Variants in PDE8B observed in about 807,000 individuals in gnomAD.
PDE8B encodes the protein high affinity cAMP-specific and IBMX-insensitive 3',5'-cyclic phosphodiesterase 8B.
A neutral mutation model predicts 101.3 loss-of-function variants in PDE8B; 26 were observed. The ratio of observed to expected loss-of-function variants is 0.26; its 90% CI spans 0.19 to 0.36. The LOEUF is 0.36. Among genes scored for constraint, PDE8B ranks in the 10% least tolerant of loss-of-function variants. The pLI is 1.00. For synonymous variants in PDE8B, 424 were observed against 429.3 expected (o/e 0.99, Z 0.15); for missense variants, 810 against 1,163.1 (o/e 0.70, Z 4.42).
intron 1 of PDE8B, among the ~76,000 whole-genome samples, chr5:77,260,881 A>G (rs1036736184): frequency 3.9e-5 from 6 of 152,178 alleles, no homozygotes; most frequent in African/African-American, 1.4e-4. Flanking sequence ...ACACCTGGCC[A>G]CTGTGGCTCA....
the PDE8B span, among the ~76,000 whole-genome samples, chr5:77,184,129 G>A: frequency 3.0e-4 from 45 of 152,224 alleles, 1 homozygote; most frequent in Admixed American, 2.9e-3. Context: ...ACCATGCCCA[G>A]CTAATTTTTT....
the PDE8B span, among the ~76,000 whole-genome samples, chr5:77,155,991 C>T: frequency 6.6e-6 from 1 of 152,162 alleles, no homozygotes; most frequent in African/African-American, 2.4e-5. Flanking sequence ...GAAAATGTTA[C>T]ATAGATAATA....
At chr5:77,308,653 T>G (rs969876555) in intron 1 of PDE8B, among the ~76,000 whole-genome samples, 1 of 152,108 alleles carries the variant, frequency 6.6e-6, no homozygotes, top group African/African-American at 2.4e-5. Context: ...TCTTCTAGCT[T>G]GAAAGTTGCT....
the PDE8B span, among the ~76,000 whole-genome samples, chr5:77,108,205 A>C: frequency 6.6e-6 from 1 of 152,232 alleles, no homozygotes; most frequent in Non-Finnish European, 1.5e-5. Flanking sequence ...AAACAGTGAA[A>C]CTGTGAGGTA....
At chr5:77,370,482 A>G (rs377519966) in intron 10 of PDE8B, among the ~76,000 whole-genome samples, 81 of 152,294 alleles carry the variant, frequency 5.3e-4, no homozygotes, top group East Asian at 5.0e-3. Context: ...GGTTTTGAGT[A>G]TATGATTTGG....
At chr5:77,183,978 T>A in the PDE8B span, among the ~76,000 whole-genome samples, 1 of 151,584 alleles carries the variant, frequency 6.6e-6, no homozygotes, top group African/African-American at 2.4e-5. Context: ...ACTTTTTTTT[T>A]TTAAAAAAAA....
chr5:77,134,789 A>C, the PDE8B span, among the ~76,000 whole-genome samples: 1 of 152,148 alleles, frequency 6.6e-6, no homozygotes, highest in African/African-American at 2.4e-5. Flanking sequence ...GAAGATGACT[A>C]TGGGTTGCGA....
intron 1 of PDE8B, among the ~76,000 whole-genome samples, chr5:77,298,179 A>G (rs1432964447): frequency 6.6e-6 from 1 of 152,194 alleles, no homozygotes; most frequent in Non-Finnish European, 1.5e-5. Flanking sequence ...GCCTCCCATC[A>G]TAAGGAAACA....
the PDE8B span, among the ~76,000 whole-genome samples, chr5:77,203,132 A>G: frequency 1.3e-5 from 2 of 152,200 alleles, no homozygotes; most frequent in African/African-American, 2.4e-5. Context: ...CTCTTCTTCC[A>G]TACCACAAAC....
chr5:77,333,167 C>T (rs4704406), intron 5 of PDE8B, among the ~76,000 whole-genome samples: 12 of 152,224 alleles, frequency 7.9e-5, no homozygotes, highest in East Asian at 5.8e-4. Context: ...ATATTTTTCA[C>T]GCTCCTAACA....
chr5:77,311,903 G>A (rs1353619971), intron 1 of PDE8B, 91 bp from the exon 2 acceptor site: 11 of 990,004 alleles, frequency 1.1e-5, no homozygotes, highest in Admixed American at 5.1e-5. Flanking sequence ...TAGTGCACAC[G>A]GTGGCATAAT....
At chr5:77,401,616 A>G (rs572981874) in intron 11 of PDE8B, among the ~76,000 whole-genome samples, 1 of 152,324 alleles carries the variant, frequency 6.6e-6, no homozygotes, top group South Asian at 2.1e-4. Context: ...AATTATTTAA[A>G]GTACATAGCA....
chr5:77,378,212 G>A (rs1786668590), intron 10 of PDE8B, among the ~76,000 whole-genome samples: 1 of 152,088 alleles, frequency 6.6e-6, no homozygotes, highest in South Asian at 2.1e-4. Context: ...TGTAATCCCA[G>A]TACTTTGGGA....
intron 5 of PDE8B, 38 bp downstream of exon 5, chr5:77,331,497 GCAC>G (rs745415915): frequency 2.7e-6 from 4 of 1,503,822 alleles, no homozygotes; most frequent in Non-Finnish European, 3.7e-6. Context: ...TCAGTTGCAG[GCAC>G]CTTAACCCCT....
Position 77,409,068 on chromosome 5 carries a change from AG to A in PDE8B, c.1530+13del. The A allele has an allele frequency of 6.2e-7, 1 of 1,612,970 alleles. No individual in the cohort carries two copies. Among genetic ancestry groups the A allele is most frequent in the Non-Finnish European group, 8.5e-7 (1 of 1,179,050 alleles). ...GGAGGCCTGATGACTGTGAGTGATG[AG>A]GCAAAACCTGAAAAGCAAGAGAGGT... On this transcript the variant is annotated intron_variant, in intron 14 of 21. Transcript: ENST00000264917.
At chr5:77,109,526 A>G in the PDE8B span, among the ~76,000 whole-genome samples, 1 of 152,222 alleles carries the variant, frequency 6.6e-6, no homozygotes, top group African/African-American at 2.4e-5. Context: ...TAAATTGCAG[A>G]GGGCAGACTG....
chr5:77,356,769 A>T (rs1384164210), intron 10 of PDE8B, among the ~76,000 whole-genome samples: 1 of 152,146 alleles, frequency 6.6e-6, no homozygotes, highest in Non-Finnish European at 1.5e-5. Flanking sequence ...TGTGGCTACT[A>T]GAAGTTTTAA....
At chr5:77,242,418 A>C (rs2149553675) in intron 1 of PDE8B, among the ~76,000 whole-genome samples, 1 of 152,364 alleles carries the variant, frequency 6.6e-6, no homozygotes, top group East Asian at 1.9e-4. Context: ...AAAGGACAAT[A>C]GTTGTGCAGA....
the PDE8B span, among the ~76,000 whole-genome samples, chr5:77,163,985 T>A: frequency 1.3e-5 from 2 of 152,228 alleles, no homozygotes; most frequent in African/African-American, 4.8e-5. Context: ...CAACCTCTAA[T>A]CTTACTTCCT....
Sources: gnomAD v4.1 joint callset for allele counts (sites outside exome capture counted in the v4.1 genomes callset) on GRCh38, gnomAD v4.1.1 for gene constraint, MANE v1.5 for transcripts, NCBI Gene and HGNC (gene_info 2026-07-23, HGNC 2026-07-21) for gene names.